ULK4: variants seen among roughly 807,000 people sequenced by gnomAD.
The protein encoded by ULK4 is unc-51 like kinase 4.
Under a neutral mutation model 160.6 loss-of-function variants are expected in ULK4, and 133 were observed. The ratio of observed to expected loss-of-function variants is 0.83; its 90% CI spans 0.72 to 0.96. The LOEUF is 0.96. Ranked by LOEUF, ULK4 falls within the 40% of genes least tolerant of loss-of-function variation. The pLI is 0.00. For synonymous variants in ULK4, 534 were observed against 539.8 expected (o/e 0.99, Z 0.15); for missense variants, 1,580 against 1,499.5 (o/e 1.05, Z -0.89).
At chr3:41,261,519 T>G (rs1057478872) in intron 35 of ULK4, among the ~76,000 whole-genome samples, 4 of 152,176 alleles carry the variant, frequency 2.6e-5, no homozygotes, top group Admixed American at 6.5e-5. Context: ...GTTGGCTGAT[T>G]GGCTGATTTA....
At chr3:41,444,987 C>A (rs548446305) in intron 34 of ULK4, among the ~76,000 whole-genome samples, 76 of 152,190 alleles carry the variant, frequency 5.0e-4, no homozygotes, top group African/African-American at 1.8e-3. Context: ...TTGTCTCAGC[C>A]CAAAATCTCC....
chr3:41,927,668 T>C (rs1215144912), intron 5 of ULK4, among the ~76,000 whole-genome samples: 1 of 75,374 alleles, frequency 1.3e-5, no homozygotes, highest in Non-Finnish European at 2.7e-5. Context: ...ACCACACAAA[T>C]GGAAAGCAAA....
chr3:41,855,086 G>A (rs2042302884), intron 17 of ULK4, among the ~76,000 whole-genome samples: 1 of 152,004 alleles, frequency 6.6e-6, no homozygotes, highest in African/African-American at 2.4e-5. Context: ...GCATGGCAGT[G>A]GCTAAAAGAG....
chr3:41,255,394 A>C (rs968548238), intron 35 of ULK4, among the ~76,000 whole-genome samples: 55 of 152,146 alleles, frequency 3.6e-4, no homozygotes, highest in African/African-American at 1.3e-3. Context: ...GAGGCAGGAG[A>C]ATCACTTGAA....
At chr3:41,809,618 T>A (rs187783477) in intron 19 of ULK4, among the ~76,000 whole-genome samples, 1 of 152,218 alleles carries the variant, frequency 6.6e-6, no homozygotes, top group African/African-American at 2.4e-5. Context: ...TCCCCTGCTC[T>A]GCAGTGTCAC....
At position 41,703,864 on chromosome 3, in the gene ULK4, ACACACACAC is replaced by A. The variant is rs1559496390; in HGVS notation, c.2781+1184_2781+1192del. Among the ~76,000 whole-genome samples the A allele has an allele frequency of 5.3e-4, 79 of 149,716 alleles. 1 individual carries two copies. In the South Asian group the frequency reaches 9.5e-3, roughly 18 times the overall value. On this transcript the variant is annotated intron_variant, in intron 27 of 36. Transcript: ENST00000301831. ...CACACACACACACACACACACACAC[ACACACACAC>A]ACAAGTTAACTGTGTTTGAAGGGTG...
rs1167431371 is a variant in ULK4 at position 41,778,114 on chromosome 3, T to A, written c.2193+11547A>T. On this transcript the variant is annotated intron_variant, in intron 21 of 36. Transcript: ENST00000301831. ...GTCTCAGCCCAAAATCTCCTTAAGC[T>A]GATAAGCAACTTCAGCAAAGTCTCA... 6.4e-5 allele frequency among the ~76,000 whole-genome samples: 8 copies of A among 125,292 alleles called. 2 individuals are homozygous for A. The South Asian group carries it at 1.9e-3, about 30-fold the overall frequency. The allele number at this position is 125,292 out of a possible 152,430, so 82.2% of individuals were successfully genotyped here. A position where few individuals can be genotyped will look rare whatever the true frequency, so the allele number is the denominator to read the frequency against.
At chr3:41,785,082 A>T (rs773098216) in intron 21 of ULK4, among the ~76,000 whole-genome samples, 1 of 152,226 alleles carries the variant, frequency 6.6e-6, no homozygotes, top group Non-Finnish European at 1.5e-5. Flanking sequence ...GCAGCACCTT[A>T]CAAATGTGTA....
chr3:41,352,377 C>T (rs550983394), intron 35 of ULK4, among the ~76,000 whole-genome samples: 120 of 152,258 alleles, frequency 7.9e-4, no homozygotes, highest in African/African-American at 2.7e-3. Context: ...CTGACTAGTA[C>T]TTATTACAGA....
chr3:41,941,913 TCCAACAGAATCA>T (rs751894173), intron 2 of ULK4, among the ~76,000 whole-genome samples: 16 of 151,890 alleles, frequency 1.1e-4, no homozygotes, highest in Non-Finnish European at 1.9e-4. Context: ...GCATGGCAAT[TCCAACAGAATCA>T]CCAACAGAAT....
intron 3 of ULK4, among the ~76,000 whole-genome samples, chr3:41,937,566 CCT>C (rs1162924076): frequency 6.7e-6 from 1 of 149,666 alleles, no homozygotes; most frequent in Non-Finnish European, 1.5e-5. Flanking sequence ...ACATTTTTTC[CCT>C]GTTAAAAATT....
chr3:41,724,776 C>T (rs2037592629), intron 22 of ULK4, among the ~76,000 whole-genome samples: 1 of 152,086 alleles, frequency 6.6e-6, no homozygotes, highest in Admixed American at 6.5e-5. Context: ...CAAAACCCTA[C>T]ATTATCAGGC....
intron 21 of ULK4, among the ~76,000 whole-genome samples, chr3:41,786,105 A>C (rs1194856975): frequency 6.6e-6 from 1 of 152,168 alleles, no homozygotes; most frequent in Non-Finnish European, 1.5e-5. Flanking sequence ...TGCCCCTAAC[A>C]GTCACTCTAT....
intron 30 of ULK4, among the ~76,000 whole-genome samples, chr3:41,648,086 A>T (rs891425118): frequency 6.6e-6 from 1 of 152,196 alleles, no homozygotes; most frequent in African/African-American, 2.4e-5. Flanking sequence ...CCGATTTTCC[A>T]GGTGCCGTCT....
At chr3:41,938,678 T>A (rs930437856) in intron 2 of ULK4, among the ~76,000 whole-genome samples, 64 of 152,014 alleles carry the variant, frequency 4.2e-4, no homozygotes, top group African/African-American at 1.4e-3. Context: ...CAAGACTCCA[T>A]CTCTCAATAA....
chr3:41,907,934 G>C lies in ULK4; in HGVS notation c.1093C>G (p.Pro365Ala). 6.2e-7 allele frequency: 1 copy of C among 1,600,570 alleles called. No homozygotes were observed. The highest frequency in any genetic ancestry group is 8.5e-7 in the Non-Finnish European group (1 of 1,174,530). Residue 365 changes from proline (P) to alanine (A), a missense_variant, in exon 12 of 37, where the codon CCT becomes GCT. By Grantham distance (27) the Pro-to-Ala change is conservative. Transcript: ENST00000301831. Reference protein sequence around the residue: ...NESMFLLSSRPTPRTSTAVEV... With the variant: ...NESMFLLSSRATPRTSTAVEV... ...ACTGCAGTGCTAGTTCTGGGAGTAG[G>C]ACGAGAACTGAAAAATACAAACCAG...
At chr3:41,519,537 G>A (rs2085860423) in intron 32 of ULK4, among the ~76,000 whole-genome samples, 1 of 152,210 alleles carries the variant, frequency 6.6e-6, no homozygotes, top group Non-Finnish European at 1.5e-5. Context: ...ACACCACACA[G>A]TTGTCCTCTC....
At chr3:41,451,038 T>G (rs769584119) in intron 34 of ULK4, among the ~76,000 whole-genome samples, 2 of 152,160 alleles carry the variant, frequency 1.3e-5, no homozygotes, top group Non-Finnish European at 2.9e-5. Flanking sequence ...GGTAATCACC[T>G]GCCCTGAACA....
At chr3:41,292,347 C>A (rs953558483) in intron 35 of ULK4, among the ~76,000 whole-genome samples, 3 of 152,174 alleles carry the variant, frequency 2.0e-5, no homozygotes, top group Non-Finnish European at 4.4e-5. Context: ...GACTTGCCAA[C>A]AATCCCCTGG....
Sources: gnomAD v4.1 joint callset for allele counts (sites outside exome capture counted in the v4.1 genomes callset) on GRCh38, gnomAD v4.1.1 for gene constraint, MANE v1.5 for transcripts, NCBI Gene and HGNC (gene_info 2026-07-23, HGNC 2026-07-21) for gene names.